The following DAB1 variants were observed in gnomAD, a reference collection of about 807,000 sequenced individuals.
DAB1 encodes the protein DAB adaptor protein 1.
Under a neutral mutation model 64.6 loss-of-function variants are expected in DAB1, and 15 were observed. That is an observed-to-expected ratio of 0.23 (90% confidence interval 0.16 to 0.36). DAB1 has a LOEUF of 0.36. Ranked by LOEUF, DAB1 falls within the 10% of genes least tolerant of loss-of-function variation. DAB1 has a pLI of 1.00. For synonymous variants in DAB1, 235 were observed against 251.9 expected, an observed-to-expected ratio of 0.93 and a Z score of 0.64; for missense variants, 596 against 706.7, an observed-to-expected ratio of 0.84 and a Z score of 1.78.
Position 57,389,932 on chromosome 1 carries a change from C to T in DAB1, c.-137+33998G>A, listed in dbSNP as rs1011774781. 6.6e-5 allele frequency among the ~76,000 whole-genome samples: 10 copies of T among 152,172 alleles called. No homozygotes were observed. The East Asian group carries it at 9.6e-4, about 15-fold the overall frequency. On this transcript the variant is annotated intron_variant, in intron 1 of 14. Transcript: ENST00000371236. The stretch of plus-strand genomic sequence containing the variant: ...ATCAACTCATTTATTCCTCAGTAAA[C>T]GGTGAGGAAACATAAATATGTCAAG...
chr1:57,315,659 C>T lies in DAB1; in HGVS notation c.-136-24493G>A, dbSNP rs1181648764. Reference sequence around the variant, plus strand: ...CTGGGACTACAAGTGCCTGCCACCACGCCCAGCTAATTTTTTGTACTTTTA... The same window carrying T: ...CTGGGACTACAAGTGCCTGCCACCATGCCCAGCTAATTTTTTGTACTTTTA... On this transcript the variant is annotated intron_variant, in intron 1 of 14. Transcript: ENST00000371236. Among the ~76,000 whole-genome samples the T allele has an allele frequency of 3.9e-5, 6 of 152,110 alleles. No individual in the cohort carries two copies. The South Asian group carries it at 8.3e-4, about 21-fold the overall frequency.
At chr1:57,446,185 G>A (rs1187490602) in intron 7 of DAB1, among the ~76,000 whole-genome samples, 2 of 152,094 alleles carry the variant, frequency 1.3e-5, no homozygotes, top group South Asian at 2.1e-4. Context: ...TTGTCATTAT[G>A]TCCTTAATAG....
At chr1:57,693,752 C>A (rs6696771) in intron 6 of DAB1, among the ~76,000 whole-genome samples, 2 of 151,840 alleles carry the variant, frequency 1.3e-5, no homozygotes, top group Admixed American at 6.6e-5. Flanking sequence ...ACAAACTCAC[C>A]AGAAGGAAGA....
chr1:58,103,598 G>A (rs569431926), intron 5 of DAB1, among the ~76,000 whole-genome samples: 1 of 152,146 alleles, frequency 6.6e-6, no homozygotes, highest in African/African-American at 2.4e-5. Flanking sequence ...TACTGATCTT[G>A]TCACCATTTC....
intron 6 of DAB1, among the ~76,000 whole-genome samples, chr1:57,782,320 A>G (rs1359463557): frequency 1.3e-5 from 2 of 152,202 alleles, no homozygotes; most frequent in Non-Finnish European, 2.9e-5. Context: ...ATGAAAAAAG[A>G]GGGCAGGTGA....
intron 7 of DAB1, among the ~76,000 whole-genome samples, chr1:57,578,377 A>G (rs1435271916): frequency 6.6e-6 from 1 of 152,210 alleles, no homozygotes; most frequent in Non-Finnish European, 1.5e-5. Flanking sequence ...CCAAGTGCTT[A>G]CCCTATGAGT....
intron 1 of DAB1, among the ~76,000 whole-genome samples, chr1:57,840,247 T>C (rs932593160): frequency 2.0e-5 from 3 of 152,170 alleles, no homozygotes; most frequent in African/African-American, 7.2e-5. Context: ...GTATATCTAA[T>C]ACTATGTAAT....
intron 4 of DAB1, among the ~76,000 whole-genome samples, chr1:58,340,823 T>C (rs549665062): frequency 3.3e-5 from 5 of 152,314 alleles, no homozygotes; most frequent in Admixed American, 6.5e-5. Context: ...AAGGTGTTCT[T>C]GTGTGTGAAA....
At chr1:57,478,052 C>T (rs931266835) in intron 7 of DAB1, among the ~76,000 whole-genome samples, 6 of 147,156 alleles carry the variant, frequency 4.1e-5, no homozygotes, top group South Asian at 2.3e-4. Context: ...TCCCTCCCCC[C>T]GCCCCCGACC....
intron 2 of DAB1, among the ~76,000 whole-genome samples, chr1:58,523,613 G>T (rs548399182): frequency 4.6e-5 from 7 of 152,236 alleles, no homozygotes; most frequent in Non-Finnish European, 1.0e-4. Flanking sequence ...AGAACTGGCA[G>T]TCCTGGCCGG....
rs539459148 is a variant in DAB1 at position 56,995,982 on chromosome 1, A to T, written c.*2162T>A. ...CCTTCTCACTTTTCTGGTTCTTCGG[A>T]CCTTCCACATTAGGATGATATTGAC... is the stretch of plus-strand genomic sequence containing the variant. On this transcript the variant is annotated 3_prime_UTR_variant, in exon 15 of 15. Transcript: ENST00000371236. The T allele has an allele frequency of 6.6e-6, 1 of 152,240 alleles. No homozygotes were observed. Among genetic ancestry groups the T allele is most frequent in the African/African-American group, 2.4e-5 (1 of 41,536 alleles). 9.4% of individuals were successfully genotyped at this position (152,240 alleles called of 1,614,324 possible).
chr1:57,187,616 G>A (rs155304), intron 2 of DAB1, among the ~76,000 whole-genome samples: 2,931 of 152,216 alleles, frequency 0.019, 106 homozygotes, highest in African/African-American at 0.066. Context: ...GTTCTTTGAC[G>A]TTTCCAAGGT....
intron 9 of DAB1, among the ~76,000 whole-genome samples, chr1:57,053,693 T>A (rs1163453364): frequency 2.9e-5 from 4 of 138,190 alleles, no homozygotes; most frequent in African/African-American, 8.0e-5. Flanking sequence ...TATATATTTT[T>A]TTTTTTTTTT....
intron 1 of DAB1, among the ~76,000 whole-genome samples, chr1:57,382,296 T>C (rs17458265): frequency 0.084 from 12,823 of 152,250 alleles, 589 homozygotes; most frequent in Middle Eastern, 0.12. Flanking sequence ...CTGACCAAGA[T>C]ACTTCAATTT....
At chr1:58,131,970 C>T (rs1280958295) in intron 5 of DAB1, among the ~76,000 whole-genome samples, 1 of 151,894 alleles carries the variant, frequency 6.6e-6, no homozygotes, top group Admixed American at 6.5e-5. Flanking sequence ...CCTCCTTGAG[C>T]TGTGGTGGGC....
chr1:57,626,083 CTTTT>C (rs1004421323), intron 7 of DAB1, among the ~76,000 whole-genome samples: 1 of 148,982 alleles, frequency 6.7e-6, no homozygotes, highest in African/African-American at 2.5e-5. Context: ...TATGGAATCC[CTTTT>C]TTTTTTCTCA....
intron 2 of DAB1, among the ~76,000 whole-genome samples, chr1:57,246,679 T>C (rs1188474591): frequency 6.6e-6 from 1 of 152,138 alleles, no homozygotes; most frequent in African/African-American, 2.4e-5. Flanking sequence ...CATGTGTACC[T>C]GGAAAAGCCA....
chr1:57,063,691 A>G (rs778205391), intron 8 of DAB1, among the ~76,000 whole-genome samples: 2 of 152,186 alleles, frequency 1.3e-5, no homozygotes, highest in Non-Finnish European at 2.9e-5. Context: ...AAGAAAATGG[A>G]TATTAGATAC....
At chr1:57,526,096 C>A (rs1464655998) in intron 7 of DAB1, among the ~76,000 whole-genome samples, 1 of 152,036 alleles carries the variant, frequency 6.6e-6, no homozygotes, top group Non-Finnish European at 1.5e-5. Context: ...CGCCACCACA[C>A]CCAGCTAATT....
Sources: gnomAD v4.1 joint callset for allele counts (sites outside exome capture counted in the v4.1 genomes callset) on GRCh38, gnomAD v4.1.1 for gene constraint, MANE v1.5 for transcripts, NCBI Gene and HGNC (gene_info 2026-07-23, HGNC 2026-07-21) for gene names.